Variants in OSBPL5 observed in about 807,000 individuals in gnomAD.
OSBPL5 encodes oxysterol binding protein like 5, also known as oxysterol-binding protein-related protein 5.
OSBPL5 carries 71 observed loss-of-function variants against 111.2 expected under a neutral mutation model. That is an observed-to-expected ratio of 0.64 (90% CI 0.53 to 0.78). The LOEUF (loss-of-function observed/expected upper bound fraction) is 0.78, where lower values mean the gene tolerates loss of function less well. OSBPL5 is among the 30% of genes least tolerant of loss of function. OSBPL5 has a pLI of 0.00. For missense variants in OSBPL5, 1,210 were observed against 1,189.3 expected, an observed-to-expected ratio of 1.02 and a Z score of -0.26; for synonymous variants, 549 against 513.9, an observed-to-expected ratio of 1.07 and a Z score of -0.93.
intron 16 of OSBPL5, 26 bp from the exon 17 acceptor site, chr11:3,093,689 G>T (rs1329778328): frequency 1.9e-6 from 3 of 1,612,630 alleles, no homozygotes; most frequent in Non-Finnish European, 2.5e-6. Flanking sequence ...AGCGGGGTCA[G>T]AGGCTGGCCT....
chr11:3,120,731 G>C (rs12791724), intron 5 of OSBPL5, 107 bp from the exon 6 acceptor site: 341,766 of 1,261,794 alleles, frequency 0.27, 48,067 homozygotes, highest in Admixed American at 0.32. Flanking sequence ...GGGCTGCCGA[G>C]GGGCCCTTCC....
chr11:3,100,407 TC>T (rs1435755215), intron 13 of OSBPL5, 151 bp from the exon 14 acceptor site: 16 of 656,542 alleles, frequency 2.4e-5, no homozygotes, highest in Non-Finnish European at 4.1e-5. Context: ...TCACTTAACC[TC>T]TCTGGGCCTC....
chr11:3,094,144 A>T, intron 15 of OSBPL5, 93 bp downstream of exon 15: 1 of 1,251,658 alleles, frequency 8.0e-7, no homozygotes, highest in Non-Finnish European at 1.1e-6. Flanking sequence ...GCCTTGGGGA[A>T]CCTTCCTTGG....
rs1857633093 is a variant in OSBPL5 at position 3,104,596 on chromosome 11, G to A, written c.1060-219C>T. Among the ~76,000 whole-genome samples the A allele has an allele frequency of 6.6e-6, 1 of 152,142 alleles. No individual in the cohort carries two copies. Among genetic ancestry groups the A allele is most frequent in the Admixed American group, 6.5e-5 (1 of 15,280 alleles). On this transcript the variant is annotated intron_variant, in intron 9 of 21. Coordinates refer to ENST00000263650, the MANE Select transcript of OSBPL5 (RefSeq NM_020896.4). The surrounding 1 kb of genome is among the most constrained non-coding windows in gnomAD (Gnocchi z 5.0). ...CCACCCCTGGAGCACCCGCAGCCCA[G>A]GTCCAGGCCCGCTCCTGTCTCTGCT...
At chr11:3,152,636 A>G (rs1846626288) in intron 1 of OSBPL5, among the ~76,000 whole-genome samples, 1 of 152,206 alleles carries the variant, frequency 6.6e-6, no homozygotes, top group Admixed American at 6.5e-5. Context: ...CGAGGCACGC[A>G]GCGCCCCTAA....
At chr11:3,164,313 C>T (rs1387999984) in intron 1 of OSBPL5, 1 of 152,336 alleles carries the variant, frequency 6.6e-6, no homozygotes, top group African/African-American at 2.4e-5. Flanking sequence ...GGGCTCAGCC[C>T]AGGGACGAGG....
chr11:3,134,063 G>A (rs1845886355), intron 1 of OSBPL5, among the ~76,000 whole-genome samples: 2 of 152,154 alleles, frequency 1.3e-5, no homozygotes, highest in African/African-American at 4.8e-5. Flanking sequence ...TGCAGGCCTG[G>A]AGCTCAGAAA....
rs575864052 is a variant in OSBPL5, at chr11:3,103,735, T to A, written c.1245-415A>T. ...CCTTCCAGGCTCTGCTGCCCCTTCC[T>A]GCCTCTGCAACCCTCTTCCAGCTCT... On this transcript the variant is annotated intron_variant, in intron 10 of 21. Coordinates refer to ENST00000263650, the MANE Select transcript of OSBPL5 (RefSeq NM_020896.4). Among the ~76,000 whole-genome samples, 259 of 53,666 alleles carry A rather than the reference T, an allele frequency of 4.8e-3. 5 individuals are homozygous for A. The highest frequency in any genetic ancestry group is 6.0e-3 in the Non-Finnish European group (131 of 21,950). The allele number at this position is 53,666 out of a possible 152,430, so 35.2% of individuals were successfully genotyped here.
rs550331772 is a variant in OSBPL5 at position 3,088,249 on chromosome 11, C to T, written c.2596G>A (p.Val866Met). The T allele has an allele frequency of 9.3e-6, 15 of 1,606,052 alleles. No individual in the cohort carries two copies. Among genetic ancestry groups the T allele is most frequent in the East Asian group, 6.8e-5 (3 of 44,374 alleles). ...ATGAACAGCTGACACGCCAGGAACA[C>T]GCAGAGCAGGAACCAGGATCGGGGG... is the stretch of plus-strand genomic sequence containing the variant. ...QSPRSWFLLC[V>M]FLACQLFINH... The change falls in exon 22 of 22, where the codon GTG (valine) becomes ATG (methionine). Residue 866 changes from valine to methionine, a missense_variant. Physicochemically the swap from Val to Met is conservative, Grantham distance 21 (BLOSUM62 1). Transcript: ENST00000263650.
Position 3,125,839 on chromosome 11 carries a change from G to A in OSBPL5, c.219+634C>T, listed in dbSNP as rs1247817730. Among the ~76,000 whole-genome samples the A allele has an allele frequency of 7.4e-5, 11 of 149,212 alleles. No homozygotes were observed. The South Asian group carries it at 1.1e-3, about 14-fold the overall frequency. ...AAAAAAAAAATACAAAAAATTGGCC[G>A]GCCGTGGTGGCGGGCACCTGTAGTC... On this transcript the variant is annotated intron_variant, in intron 3 of 21. Coordinates refer to ENST00000263650, the MANE Select transcript of OSBPL5 (RefSeq NM_020896.4).
intron 1 of OSBPL5, among the ~76,000 whole-genome samples, chr11:3,152,571 G>C (rs900022268): frequency 2.0e-5 from 3 of 152,170 alleles, no homozygotes; most frequent in Non-Finnish European, 4.4e-5. Context: ...ACAGCAGCGG[G>C]GGCCTGCAGG....
At chr11:3,157,822 G>C (rs1846827315) in intron 1 of OSBPL5, among the ~76,000 whole-genome samples, 1 of 152,256 alleles carries the variant, frequency 6.6e-6, no homozygotes, top group Non-Finnish European at 1.5e-5. Context: ...AGCAGGGAGG[G>C]TCTGGGCAGG....
rs1211164763 is a variant in OSBPL5 at position 3,142,337 on chromosome 11, G to A, written c.-21-13168C>T. ...AAAGTCCACGGGGCTGCCCACAGCTGGGGGAGTGCAATGCCCAGATGGTCC... is the reference window on the plus strand; with the variant it reads ...AAAGTCCACGGGGCTGCCCACAGCTAGGGGAGTGCAATGCCCAGATGGTCC... On this transcript the variant is annotated intron_variant, in intron 1 of 21. Transcript: ENST00000263650. This position sits in a 1 kb window ranked among gnomAD's most constrained non-coding sequence, Gnocchi z 7.1. 6.6e-6 allele frequency among the ~76,000 whole-genome samples: 1 copy of A among 152,196 alleles called. No homozygotes were observed. The highest frequency in any genetic ancestry group is 1.5e-5 in the Non-Finnish European group (1 of 68,030).
At chr11:3,155,028 C>G (rs1289405111) in intron 1 of OSBPL5, among the ~76,000 whole-genome samples, 1 of 152,156 alleles carries the variant, frequency 6.6e-6, no homozygotes, top group East Asian at 1.9e-4. Context: ...CACAGGCACA[C>G]AGAGGGATGA....
chr11:3,110,835 T>C lies in OSBPL5; in HGVS notation c.692-2890A>G, dbSNP rs1590663262. ...ACCAAACCAATGTTCATCTTACATA[T>C]GTTGGTTAATGTCTCATGTCTCCCT... On this transcript the variant is annotated intron_variant, in intron 7 of 21. Transcript: ENST00000263650. The surrounding 1 kb of genome is among the most constrained non-coding windows in gnomAD (Gnocchi z 5.3). Among the ~76,000 whole-genome samples, 1 of 152,202 alleles carries C rather than the reference T, an allele frequency of 6.6e-6. No individual in the cohort carries two copies. The highest frequency in any genetic ancestry group is 6.5e-5 in the Admixed American group (1 of 15,284).
chr11:3,094,621 G>A (rs1798746187), intron 14 of OSBPL5: 5 of 421,018 alleles, frequency 1.2e-5, no homozygotes, highest in Non-Finnish European at 2.2e-5. Context: ...CCCCACTAAG[G>A]GGGCTCTGTC....
intron 7 of OSBPL5, among the ~76,000 whole-genome samples, chr11:3,115,967 T>C (rs1394653811): frequency 2.0e-5 from 3 of 152,046 alleles, no homozygotes; most frequent in African/African-American, 7.2e-5. Flanking sequence ...ATATCAAGTG[T>C]TTTAAACCTT....
At chr11:3,136,239 T>C (rs1056678026) in intron 1 of OSBPL5, among the ~76,000 whole-genome samples, 2 of 152,212 alleles carry the variant, frequency 1.3e-5, no homozygotes, top group African/African-American at 4.8e-5. Flanking sequence ...CCCCCCTGCC[T>C]CCGCCAGCTG....
In OSBPL5 at chr11:3,092,321, C is replaced by T. The variant is rs374252893; in HGVS notation, c.2259+111G>A. The T allele has an allele frequency of 3.7e-5, 51 of 1,369,110 alleles. No homozygotes were observed. The highest frequency in any genetic ancestry group is 7.7e-5 in the East Asian group (3 of 38,866). 84.8% of individuals were successfully genotyped at this position (1,369,110 alleles called of 1,614,324 possible). ...GGACGAGGGGGCTGGGGGATGAGGG[C>T]GTGAGGGAAACGGAGCGAGGGGAAG... On this transcript the variant is annotated intron_variant, in intron 19 of 21. Transcript: ENST00000263650. This position sits in a 1 kb window ranked among gnomAD's most constrained non-coding sequence, Gnocchi z 5.4.
Sources: allele counts gnomAD v4.1 joint callset (sites outside exome capture counted in the v4.1 genomes callset), GRCh38; gene constraint gnomAD v4.1.1; non-coding constraint Gnocchi (gnomAD v3.1); transcripts MANE v1.5; gene names NCBI Gene and HGNC (gene_info 2026-07-23, HGNC 2026-07-21).